Variants in STPG2 observed in about 807,000 individuals in gnomAD.
The protein encoded by STPG2 is sperm tail PG-rich repeat containing 2.
Under a neutral mutation model 54.2 loss-of-function variants are expected in STPG2, and 56 were observed. That is an observed-to-expected ratio of 1.03 (90% confidence interval 0.83 to 1.29). The LOEUF is 1.29. Among genes scored for constraint, STPG2 ranks in the 50% most tolerant of loss-of-function variants. The pLI, the probability that STPG2 is intolerant of heterozygous loss-of-function variation, is 0.00. For missense variants in STPG2, 596 were observed against 544.9 expected, an observed-to-expected ratio of 1.09 and a Z score of -0.93; for synonymous variants, 200 against 181.8, an observed-to-expected ratio of 1.10 and a Z score of -0.81.
At chr4:98,141,746 T>G (rs1261266249) in intron 1 of STPG2, among the ~76,000 whole-genome samples, 2 of 152,166 alleles carry the variant, frequency 1.3e-5, no homozygotes, top group African/African-American at 4.8e-5. Context: ...GTCACTCATA[T>G]TTGGCTCGGA....
intron 5 of STPG2, among the ~76,000 whole-genome samples, chr4:98,084,702 A>T (rs951650987): frequency 6.6e-6 from 1 of 152,136 alleles, no homozygotes; most frequent in African/African-American, 2.4e-5. Context: ...GCATGTTCCT[A>T]ATGACAAACG....
chr4:97,738,430 A>C (rs1050303245), intron 9 of STPG2, among the ~76,000 whole-genome samples: 7 of 152,216 alleles, frequency 4.6e-5, no homozygotes, highest in African/African-American at 1.7e-4. Context: ...TTGGATAAAG[A>C]GTCAAGACCA....
chr4:97,540,033 TA>T (rs1176831521), intron 4 of STPG2, among the ~76,000 whole-genome samples: 1 of 152,090 alleles, frequency 6.6e-6, no homozygotes, highest in Non-Finnish European at 1.5e-5. Context: ...GGCAAAGAAC[TA>T]AAATTGACAC....
intron 4 of STPG2, among the ~76,000 whole-genome samples, chr4:97,479,446 AT>A (rs773219051): frequency 6.6e-6 from 1 of 151,998 alleles, no homozygotes; most frequent in Non-Finnish European, 1.5e-5. Context: ...TTCAAAATCT[AT>A]CCAAAATCCC....
chr4:97,649,228 T>C (rs1721996697), intron 10 of STPG2, among the ~76,000 whole-genome samples: 1 of 152,156 alleles, frequency 6.6e-6, no homozygotes, highest in Admixed American at 6.5e-5. Flanking sequence ...ATAAGTCAGG[T>C]AATTATTTCA....
chr4:97,681,327 T>C (rs1024066697), intron 10 of STPG2, among the ~76,000 whole-genome samples: 1 of 151,926 alleles, frequency 6.6e-6, no homozygotes, highest in Non-Finnish European at 1.5e-5. Context: ...AGAAATTTAC[T>C]AAAATATTTC....
chr4:97,817,923 TTA>T (rs146389941), intron 9 of STPG2, among the ~76,000 whole-genome samples: 13 of 149,976 alleles, frequency 8.7e-5, no homozygotes, highest in Non-Finnish European at 8.9e-5. Context: ...CTACTCAGAA[TTA>T]TATATATATA....
intron 5 of STPG2, chr4:98,026,195 C>G (rs1736414546): frequency 4.1e-6 from 5 of 1,227,680 alleles, no homozygotes; most frequent in Non-Finnish European, 4.8e-6. Context: ...GTCCCTTGCT[C>G]AGAAGAAAGA....
In STPG2 at chr4:97,660,029, G is replaced by C. The variant is rs184172841; in HGVS notation, c.1320+52670C>G. ...CTTTTTTTTTTTTTTTTGAGACGGA[G>C]TCTCGCTCTGTCGCCCAGGCTGGAG... On this transcript the variant is annotated intron_variant, in intron 10 of 10. Transcript: ENST00000295268. Among the ~76,000 whole-genome samples the C allele has an allele frequency of 3.7e-3, 555 of 149,348 alleles. 2 individuals carry two copies. Among genetic ancestry groups the C allele is most frequent in the Non-Finnish European group, 6.2e-3 (418 of 67,500 alleles).
intron 4 of STPG2, among the ~76,000 whole-genome samples, chr4:97,476,903 C>T (rs1033513879): frequency 6.6e-6 from 1 of 152,152 alleles, no homozygotes; most frequent in Non-Finnish European, 1.5e-5. Flanking sequence ...CATGAGTAGA[C>T]ACCTGACACT....
intron 9 of STPG2, among the ~76,000 whole-genome samples, chr4:97,739,732 A>C (rs889308901): frequency 2.0e-5 from 3 of 152,214 alleles, no homozygotes; most frequent in African/African-American, 4.8e-5. Flanking sequence ...GTAGTTTACC[A>C]ACCAAAAAGA....
intron 5 of STPG2, among the ~76,000 whole-genome samples, chr4:98,105,308 G>A (rs1391604947): frequency 1.3e-5 from 2 of 152,104 alleles, no homozygotes; most frequent in Non-Finnish European, 2.9e-5. Context: ...CAGAAGCGGG[G>A]TCCAAAGTAG....
chr4:97,530,930 G>C (rs1731399859), intron 4 of STPG2, among the ~76,000 whole-genome samples: 1 of 152,186 alleles, frequency 6.6e-6, no homozygotes, highest in Non-Finnish European at 1.5e-5. Context: ...ATCTGGGCTA[G>C]AAGTAGCCAG....
chr4:97,991,744 T>A (rs192400363), intron 5 of STPG2, among the ~76,000 whole-genome samples: 2 of 152,260 alleles, frequency 1.3e-5, no homozygotes, highest in East Asian at 3.9e-4. Flanking sequence ...TGTTCCCTTT[T>A]CACCACATCC....
At chr4:97,775,256 T>C (rs1006892907) in intron 9 of STPG2, among the ~76,000 whole-genome samples, 1 of 151,994 alleles carries the variant, frequency 6.6e-6, no homozygotes, top group Middle Eastern at 3.2e-3. Flanking sequence ...AACTGAGGGA[T>C]GAAGGTGAAG....
At chr4:97,729,730 A>G (rs1724740197) in intron 9 of STPG2, among the ~76,000 whole-genome samples, 2 of 152,184 alleles carry the variant, frequency 1.3e-5, no homozygotes, top group South Asian at 2.1e-4. Flanking sequence ...AAGGTAAAAG[A>G]CCATAGGAAA....
chr4:97,552,530 A>G (rs1037982614), intron 4 of STPG2, among the ~76,000 whole-genome samples: 12 of 152,200 alleles, frequency 7.9e-5, no homozygotes, highest in African/African-American at 2.6e-4. Context: ...ATCATATTTG[A>G]TAATTTTCAA....
At chr4:97,749,721 G>C (rs1297631236) in intron 9 of STPG2, among the ~76,000 whole-genome samples, 1 of 151,704 alleles carries the variant, frequency 6.6e-6, no homozygotes, top group Non-Finnish European at 1.5e-5. Flanking sequence ...AAACTGTATG[G>C]TGGTTGTAAT....
At chr4:98,108,985 A>T (rs1739268235) in intron 4 of STPG2, among the ~76,000 whole-genome samples, 1 of 152,126 alleles carries the variant, frequency 6.6e-6, no homozygotes, top group African/African-American at 2.4e-5. Flanking sequence ...CCCATGTAAC[A>T]AGCCTGCATG....
Sources: gnomAD v4.1 joint callset for allele counts (sites outside exome capture counted in the v4.1 genomes callset) on GRCh38, gnomAD v4.1.1 for gene constraint, MANE v1.5 for transcripts, NCBI Gene and HGNC (gene_info 2026-07-23, HGNC 2026-07-21) for gene names.